Variants in UGT1A8 observed in about 807,000 individuals in gnomAD.
UGT1A8 encodes UDP-glucuronosyltransferase 1A8.
Under a neutral mutation model 45.3 loss-of-function variants are expected in UGT1A8, and 39 were observed. The observed-to-expected ratio is 0.86, with a 90% confidence interval of 0.67 to 1.12. The LOEUF is 1.12. Ranked by LOEUF, UGT1A8 falls within the 50% of genes most tolerant of loss-of-function variation. The pLI, the probability that UGT1A8 is intolerant of heterozygous loss-of-function variation, is 0.00. For missense variants in UGT1A8, 719 were observed against 664.9 expected (o/e 1.08, Z -0.90); for synonymous variants, 275 against 249.2 (o/e 1.10, Z -0.97).
In UGT1A8 at chr2:233,618,499, C is replaced by G; in HGVS notation, c.792C>G (p.Pro264=). The change falls in exon 1 of 5, where the codon CCC becomes CCG. Residue 264 remains proline (P), a synonymous_variant. Coordinates refer to ENST00000373450, the MANE Select transcript of UGT1A8 (RefSeq NM_019076.5). Reference sequence around the variant, plus strand: ...ACTTTGTTTTGGACTATCCCAAACCCGTGATGCCCAATATGATCTTCATTG... The same window carrying G: ...ACTTTGTTTTGGACTATCCCAAACCGGTGATGCCCAATATGATCTTCATTG... The part of the protein sequence containing the change: ...RTDFVLDYPK[P]VMPNMIFIGG... 2.5e-6 allele frequency: 4 copies of G among 1,613,852 alleles called. No individual in the cohort carries two copies. The highest frequency in any genetic ancestry group is 1.7e-4 in the Middle Eastern group (1 of 6,054).
At chr2:233,663,840 C>T (rs768345742) in intron 1 of UGT1A8, among the ~76,000 whole-genome samples, 20 of 152,084 alleles carry the variant, frequency 1.3e-4, no homozygotes, top group African/African-American at 3.4e-4. Context: ...TTTGCAAAGG[C>T]GGTTTCATTT....
chr2:233,686,248 G>A (rs931789955), intron 1 of UGT1A8, among the ~76,000 whole-genome samples: 3 of 149,774 alleles, frequency 2.0e-5, no homozygotes, highest in African/African-American at 7.3e-5. Flanking sequence ...TGGTTTCTGA[G>A]ATTTTTTTTT....
Position 233,719,463 on chromosome 2 carries a change from C to G in UGT1A8, c.856-47571C>G, listed in dbSNP as rs778257140. On this transcript the variant is annotated intron_variant, in intron 1 of 4. Transcript: ENST00000373450. ...ATTCCTGCAAAGGGTCAAGAACATG[C>G]TCTACCCTCTGGCCCTGTCCTACAT... 3 of 1,613,862 alleles carry G rather than the reference C, an allele frequency of 1.9e-6. No homozygotes were observed. The South Asian group carries it at 3.3e-5, about 18-fold the overall frequency.
At chr2:233,719,425 C>T (rs766948934) in intron 1 of UGT1A8, 1 of 1,613,998 alleles carries the variant, frequency 6.2e-7, no homozygotes, top group East Asian at 2.2e-5. Context: ...ACGACCAATT[C>T]AGACCACATG....
chr2:233,699,099 T>A (rs1370746002), intron 1 of UGT1A8, among the ~76,000 whole-genome samples: 1 of 152,204 alleles, frequency 6.6e-6, no homozygotes, highest in Non-Finnish European at 1.5e-5. Context: ...GTGCACCTCA[T>A]CACCTGCCCC....
intron 1 of UGT1A8, among the ~76,000 whole-genome samples, chr2:233,739,930 G>GGGGA (rs1270425861): frequency 6.6e-6 from 1 of 151,694 alleles, no homozygotes; most frequent in Non-Finnish European, 1.5e-5. Context: ...ATCCCCATGT[G>GGGGA]TTAAGGTTGG....
chr2:233,770,905 C>G (rs1053326631), intron 4 of UGT1A8: 4 of 152,124 alleles, frequency 2.6e-5, no homozygotes, highest in Non-Finnish European at 5.9e-5. Context: ...GCAGGCTGTA[C>G]AGGAAGCTTA....
At chr2:233,732,380 T>C (rs1265735798) in intron 1 of UGT1A8, among the ~76,000 whole-genome samples, 1 of 152,104 alleles carries the variant, frequency 6.6e-6, no homozygotes, top group Non-Finnish European at 1.5e-5. Context: ...CTATGTCTTC[T>C]AGGCCATGCC....
At chr2:233,760,450 C>T (rs1218272105) in intron 1 of UGT1A8, 1 of 1,614,084 alleles carries the variant, frequency 6.2e-7, no homozygotes, top group East Asian at 2.2e-5. Context: ...GCAGAGGGGA[C>T]ATGAAATAGT....
chr2:233,650,770 T>C (rs2125475906), intron 1 of UGT1A8, among the ~76,000 whole-genome samples: 1 of 152,342 alleles, frequency 6.6e-6, no homozygotes, highest in East Asian at 1.9e-4. Flanking sequence ...TGCCTCAAAC[T>C]AGATCCTATT....
intron 1 of UGT1A8, among the ~76,000 whole-genome samples, chr2:233,749,562 T>G (rs541768746): frequency 6.6e-6 from 1 of 151,876 alleles, no homozygotes; most frequent in African/African-American, 2.4e-5. Flanking sequence ...ATGTATTCAA[T>G]AGTGAGGCCA....
chr2:233,626,988 T>C (rs2125451679), intron 1 of UGT1A8, among the ~76,000 whole-genome samples: 1 of 152,168 alleles, frequency 6.6e-6, no homozygotes, highest in Middle Eastern at 3.4e-3. Flanking sequence ...ACCAAAAAAC[T>C]GTCAGTGGGT....
rs373052727 is a variant in UGT1A8 at position 233,772,330 on chromosome 2, C to T, written c.1364C>T (p.Ala455Val). ...CGCCCGGTGGAGCCGCTGGACCTGGCCGTGTTCTGGGTGGAGTTTGTGATG... is the reference window on the plus strand; with the variant it reads ...CGCCCGGTGGAGCCGCTGGACCTGGTCGTGTTCTGGGTGGAGTTTGTGATG... Reference protein sequence around the residue: ...KDRPVEPLDLAVFWVEFVMRH... With the variant: ...KDRPVEPLDLVVFWVEFVMRH... The change falls in exon 5 of 5, where the codon GCC (alanine) becomes GTC (valine). Residue 455 changes from alanine to valine, a missense_variant. Ala to Val is a moderately conservative substitution (Grantham distance 64). Transcript: ENST00000373450. 1.2e-6 allele frequency: 2 copies of T among 1,614,146 alleles called. No homozygotes were observed. The highest frequency in any genetic ancestry group is 1.7e-6 in the Non-Finnish European group (2 of 1,180,034).
chr2:233,720,665 C>T (rs2076879709), intron 1 of UGT1A8, among the ~76,000 whole-genome samples: 1 of 151,682 alleles, frequency 6.6e-6, no homozygotes, highest in South Asian at 2.1e-4. Flanking sequence ...AATTCACACA[C>T]CAATGAATTT....
chr2:233,719,433 A>G, intron 1 of UGT1A8: 1 of 1,613,974 alleles, frequency 6.2e-7, no homozygotes, highest in Non-Finnish European at 8.5e-7. Flanking sequence ...TTCAGACCAC[A>G]TGACATTCCT....
chr2:233,759,804 G>A (rs35746348), intron 1 of UGT1A8, among the ~76,000 whole-genome samples: 153 of 152,314 alleles, frequency 1.0e-3, no homozygotes, highest in African/African-American at 3.5e-3. Context: ...ATACAAGTGA[G>A]CAGGCAGTAC....
intron 1 of UGT1A8, chr2:233,740,870 A>G (rs528081181): frequency 3.3e-5 from 5 of 151,856 alleles, no homozygotes; most frequent in Non-Finnish European, 7.3e-5. Context: ...TTCTTTAAAT[A>G]AAATGCTCTT....
At chr2:233,632,892 G>A (rs1477897203) in intron 1 of UGT1A8, among the ~76,000 whole-genome samples, 1 of 152,140 alleles carries the variant, frequency 6.6e-6, no homozygotes, top group East Asian at 1.9e-4. Flanking sequence ...GTGAGAGAGG[G>A]CATCCTTATC....
intron 1 of UGT1A8, among the ~76,000 whole-genome samples, chr2:233,716,102 AT>A (rs1251021600): frequency 6.6e-6 from 1 of 152,158 alleles, no homozygotes; most frequent in East Asian, 1.9e-4. Context: ...TTTAACAGAA[AT>A]TTAGTTTTTC....
Sources: allele counts gnomAD v4.1 joint callset (sites outside exome capture counted in the v4.1 genomes callset), GRCh38; gene constraint gnomAD v4.1.1; transcripts MANE v1.5; gene names NCBI Gene and HGNC (gene_info 2026-07-23, HGNC 2026-07-21).